Variants in PRKN observed in about 807,000 individuals in gnomAD.
PRKN encodes E3 ubiquitin-protein ligase parkin.
In PRKN, 56 loss-of-function variants were observed where a neutral mutation model predicts 59.5. The observed-to-expected ratio is 0.94, with a 90% confidence interval of 0.76 to 1.18. PRKN has a LOEUF of 1.18. PRKN is among the 50% of genes most tolerant of loss of function. The pLI is 0.00. For missense variants in PRKN, 657 were observed against 596.4 expected, an observed-to-expected ratio of 1.10 and a Z score of -1.06; for synonymous variants, 250 against 222.1, an observed-to-expected ratio of 1.13 and a Z score of -1.12.
chr6:162,720,538 C>G (rs1228943373), intron 1 of PRKN, among the ~76,000 whole-genome samples: 1 of 151,048 alleles, frequency 6.6e-6, no homozygotes, highest in African/African-American at 2.4e-5. Flanking sequence ...GCAAGCTCCG[C>G]TTCCCGGGTT....
chr6:161,897,956 G>A (rs1377368883), intron 6 of PRKN, among the ~76,000 whole-genome samples: 2 of 26,392 alleles, frequency 7.6e-5, no homozygotes, highest in South Asian at 1.8e-3. Context: ...GACAGAGCGA[G>A]ACTCCGTCTC....
At chr6:161,874,987 ACTTT>A (rs1562356697) in intron 6 of PRKN, among the ~76,000 whole-genome samples, 44 of 70,270 alleles carry the variant, frequency 6.3e-4, no homozygotes, top group Middle Eastern at 6.8e-3. Flanking sequence ...TATATTATAT[ACTTT>A]ATATATAATA....
chr6:161,740,543 G>A (rs115388722), intron 7 of PRKN, among the ~76,000 whole-genome samples: 2,110 of 152,242 alleles, frequency 0.014, 56 homozygotes, highest in African/African-American at 0.047. Flanking sequence ...GGCCTCCCTC[G>A]GTCCCACGTC....
intron 6 of PRKN, among the ~76,000 whole-genome samples, chr6:161,952,782 A>G (rs780311767): frequency 1.3e-5 from 2 of 152,248 alleles, no homozygotes; most frequent in Non-Finnish European, 2.9e-5. Flanking sequence ...TTAGTGAGGT[A>G]TTAGATGATT....
chr6:162,558,884 T>C (rs1031981282), intron 1 of PRKN, among the ~76,000 whole-genome samples: 15 of 152,066 alleles, frequency 9.9e-5, no homozygotes, highest in Admixed American at 7.2e-4. Context: ...TCAAGTGATC[T>C]GCCCACCTCA....
chr6:161,429,757 A>G lies in PRKN; in HGVS notation c.1084-42880T>C, dbSNP rs994124769. Among the ~76,000 whole-genome samples, 1 of 151,884 alleles carries G rather than the reference A, an allele frequency of 6.6e-6. No homozygotes were observed. Among genetic ancestry groups the G allele is most frequent in the Non-Finnish European group, 1.5e-5 (1 of 67,988 alleles). On this transcript the variant is annotated intron_variant, in intron 9 of 11. Coordinates refer to ENST00000366898, the MANE Select transcript of PRKN (RefSeq NM_004562.3). This position sits in a 1 kb window ranked among gnomAD's most constrained non-coding sequence, Gnocchi z 4.2. ...GGCCTTTTCTTCAGTAATTCAGAATACTCCTAAGTGAGTATGGCCACTTGG... is the reference window on the plus strand; with the variant it reads ...GGCCTTTTCTTCAGTAATTCAGAATGCTCCTAAGTGAGTATGGCCACTTGG...
chr6:161,884,822 C>T (rs1401497620), intron 6 of PRKN, among the ~76,000 whole-genome samples: 3 of 152,040 alleles, frequency 2.0e-5, no homozygotes, highest in Non-Finnish European at 4.4e-5. Flanking sequence ...AAAGGGTCAG[C>T]AAACATTTTA....
At chr6:161,437,413 G>A (rs1788973468) in intron 9 of PRKN, among the ~76,000 whole-genome samples, 2 of 152,178 alleles carry the variant, frequency 1.3e-5, no homozygotes, top group African/African-American at 4.8e-5. Flanking sequence ...TTAAAACTTA[G>A]GAAGTGTTGA....
At chr6:162,143,928 T>C (rs1169377610) in intron 4 of PRKN, among the ~76,000 whole-genome samples, 2 of 152,190 alleles carry the variant, frequency 1.3e-5, no homozygotes, top group Admixed American at 1.3e-4. Flanking sequence ...AAACTGTTAT[T>C]AGTCATTAGG....
At chr6:161,684,095 T>A (rs1242388119) in intron 7 of PRKN, among the ~76,000 whole-genome samples, 1 of 152,234 alleles carries the variant, frequency 6.6e-6, no homozygotes, top group African/African-American at 2.4e-5. Context: ...TTAAAATGTT[T>A]CTCATTTTAA....
intron 7 of PRKN, among the ~76,000 whole-genome samples, chr6:161,616,034 T>G (rs1782680662): frequency 2.0e-5 from 3 of 152,056 alleles, no homozygotes; most frequent in African/African-American, 7.2e-5. Flanking sequence ...TTCTGGCCGC[T>G]CTCTCTCCCC....
At chr6:162,405,884 C>T (rs749354393) in intron 2 of PRKN, among the ~76,000 whole-genome samples, 8 of 152,102 alleles carry the variant, frequency 5.3e-5, no homozygotes, top group East Asian at 1.9e-4. Flanking sequence ...ATATAAACCA[C>T]GCAGTCTGTG....
At chr6:162,552,044 G>A (rs1265482262) in intron 1 of PRKN, among the ~76,000 whole-genome samples, 1 of 152,196 alleles carries the variant, frequency 6.6e-6, no homozygotes, top group Non-Finnish European at 1.5e-5. Context: ...AATCAGAGAT[G>A]AGATTTAGAT....
At chr6:161,367,227 C>T (rs564701468) in intron 10 of PRKN, among the ~76,000 whole-genome samples, 1 of 151,874 alleles carries the variant, frequency 6.6e-6, no homozygotes, top group Non-Finnish European at 1.5e-5. Flanking sequence ...GTGATCCACC[C>T]GCCTCGGCCT....
At chr6:162,430,404 G>A (rs966844885) in intron 2 of PRKN, among the ~76,000 whole-genome samples, 26 of 152,018 alleles carry the variant, frequency 1.7e-4, no homozygotes, top group Non-Finnish European at 3.1e-4. Context: ...CAACCCATGT[G>A]GCCCACCTCC....
chr6:161,594,281 C>T (rs572718855), intron 7 of PRKN, among the ~76,000 whole-genome samples: 3 of 152,312 alleles, frequency 2.0e-5, no homozygotes, highest in African/African-American at 7.2e-5. Context: ...ATTTTCTGTC[C>T]TCAGCCTGTC....
chr6:162,437,554 C>A (rs1290560434), intron 2 of PRKN, among the ~76,000 whole-genome samples: 3 of 152,110 alleles, frequency 2.0e-5, no homozygotes, highest in African/African-American at 7.2e-5. Flanking sequence ...CTTCTGTTAC[C>A]CTTTCACAGT....
chr6:162,554,684 T>C (rs1324581857), intron 1 of PRKN, among the ~76,000 whole-genome samples: 1 of 152,068 alleles, frequency 6.6e-6, no homozygotes, highest in Non-Finnish European at 1.5e-5. Flanking sequence ...GGGCTTTTAC[T>C]AGAGCCATGG....
chr6:162,056,753 C>T lies in PRKN; in HGVS notation c.535-2579G>A, dbSNP rs1242999576. Among the ~76,000 whole-genome samples, 3 of 152,154 alleles carry T rather than the reference C, an allele frequency of 2.0e-5. No individual in the cohort carries two copies. Among genetic ancestry groups the T allele is most frequent in the Non-Finnish European group, 4.4e-5 (3 of 68,028 alleles). On this transcript the variant is annotated intron_variant, in intron 4 of 11. Coordinates refer to ENST00000366898, the MANE Select transcript of PRKN (RefSeq NM_004562.3). This position sits in a 1 kb window ranked among gnomAD's most constrained non-coding sequence, Gnocchi z 4.9. ...GCTATGCACAACATCTTCTCACCCT[C>T]GGCAAGGCTGGAATTTTGATAAGCC...
Sources: gnomAD v4.1 joint callset for allele counts (sites outside exome capture counted in the v4.1 genomes callset) on GRCh38, gnomAD v4.1.1 for gene constraint, Gnocchi (gnomAD v3.1) non-coding constraint, MANE v1.5 for transcripts, NCBI Gene and HGNC (gene_info 2026-07-23, HGNC 2026-07-21) for gene names.